Variants in GRM6 observed in about 807,000 individuals in gnomAD.
GRM6 encodes the protein glutamate metabotropic receptor 6, also known as metabotropic glutamate receptor 6.
Under a neutral mutation model 78.4 loss-of-function variants are expected in GRM6, and 73 were observed. That is an observed-to-expected ratio of 0.93 (90% CI 0.77 to 1.13). The LOEUF (loss-of-function observed/expected upper bound fraction) is 1.13, where lower values mean the gene tolerates loss of function less well. Ranked by LOEUF, GRM6 falls within the 50% of genes most tolerant of loss-of-function variation. The pLI, the probability that GRM6 is intolerant of heterozygous loss-of-function variation, is 0.00. For missense variants in GRM6, 1,251 were observed against 1,256.4 expected, an observed-to-expected ratio of 1.00 and a Z score of 0.07; for synonymous variants, 580 against 555.0, an observed-to-expected ratio of 1.05 and a Z score of -0.63.
At chr5:178,993,825 C>G (rs144743951) in intron 2 of GRM6, among the ~76,000 whole-genome samples, 4 of 152,182 alleles carry the variant, frequency 2.6e-5, no homozygotes, top group Non-Finnish European at 5.9e-5. Context: ...CGGGCACCTG[C>G]GCAGGGCAGG....
In GRM6 at chr5:178,991,659, C is replaced by T; in HGVS notation, c.722-100G>A. The T allele has an allele frequency of 7.0e-7, 1 of 1,421,792 alleles. No individual in the cohort carries two copies. Among genetic ancestry groups the T allele is most frequent in the Non-Finnish European group, 9.9e-7 (1 of 1,013,942 alleles). The allele number at this position is 1,421,792 out of a possible 1,614,324, so 88.1% of individuals were successfully genotyped here. A position where few individuals can be genotyped will look rare whatever the true frequency, so the allele number is the denominator to read the frequency against. ...CTGTGTAGGCTGGCTGAAGGGTCTG[C>T]AGGGGTGAAGTCTGGCCTGCACCCT... On this transcript the variant is annotated intron_variant, in intron 3 of 10. Transcript: ENST00000517717. The surrounding 1 kb of genome is among the most constrained non-coding windows in gnomAD (Gnocchi z 5.0).
rs151103990 is a variant in GRM6, at chr5:178,983,176, C to T, written c.2170G>A (p.Val724Met). ...GTCCGCTGTTCCTCATAGTCAATCA[C>T]GCTGTGTGGGGGCCGGGCCCCCAGC... ...AWLGARPPHS[V>M]IDYEEQRTVD... is the part of the protein sequence containing the mutation. The change falls in exon 10 of 11, where the codon GTG (valine) becomes ATG (methionine). Residue 724 changes from valine to methionine, a missense_variant. Transcript: ENST00000517717. 953 of 1,613,596 alleles carry T rather than the reference C, an allele frequency of 5.9e-4. 6 individuals carry two copies. Among genetic ancestry groups the T allele is most frequent in the Admixed American group, 2.8e-4 (17 of 60,004 alleles).
intron 9 of GRM6, chr5:178,985,267 T>C (rs1430729785): frequency 2.2e-6 from 1 of 456,606 alleles, no homozygotes; most frequent in Non-Finnish European, 4.4e-6. Flanking sequence ...ATAACTTCAC[T>C]GTTGTACAGA....
chr5:178,984,961 ACATCCAGGG>A lies in GRM6; in HGVS notation c.2124+1160_2124+1168del, dbSNP rs1421455851. ...GTCTCTCGTACTCTTCACACAGAAAACATCCAGGGCGCCCCAGACTCCAAGAGTTGTCTC... is the reference window on the plus strand; with the variant it reads ...GTCTCTCGTACTCTTCACACAGAAAACGCCCCAGACTCCAAGAGTTGTCTC... On this transcript the variant is annotated intron_variant, in intron 9 of 10. Transcript: ENST00000517717. Among the ~76,000 whole-genome samples, 4 of 152,156 alleles carry A rather than the reference ACATCCAGGG, an allele frequency of 2.6e-5. No homozygotes were observed. In the East Asian group the frequency reaches 7.8e-4, roughly 29 times the overall value.
At position 178,986,579 on chromosome 5, in the gene GRM6, G is replaced by A. The variant is rs748408579; in HGVS notation, c.1675C>T (p.Pro559Ser). ...QVDEFTCEAC[P>S]GDMRPTPNHT... ...TTGGGCGTGGGCCTCATGTCCCCAGGACAGGCCTCGCATGTGAACTCGTCC... is the reference window on the plus strand; with the variant it reads ...TTGGGCGTGGGCCTCATGTCCCCAGAACAGGCCTCGCATGTGAACTCGTCC... Residue 559 changes from proline (P) to serine (S), a missense_variant, in exon 9 of 11, where the codon CCT (proline) becomes TCT (serine). Transcript: ENST00000517717. 1.2e-6 allele frequency: 2 copies of A among 1,606,974 alleles called. No homozygotes were observed. Among genetic ancestry groups the A allele is most frequent in the Non-Finnish European group, 1.7e-6 (2 of 1,179,858 alleles).
rs111944266 is a variant in GRM6 at position 178,980,030 on chromosome 5, GAGA to G, written c.*1624_*1626del. ...AAGCCCTAGGAACACAACAAATGTG[GAGA>G]AGGAGAGTCAGTAGCGCAACAGAAA... On this transcript the variant is annotated 3_prime_UTR_variant, in exon 11 of 11. Transcript: ENST00000517717. The surrounding 1 kb of genome is among the most constrained non-coding windows in gnomAD (Gnocchi z 4.3). The G allele has an allele frequency of 9.7e-3, 1,502 of 154,478 alleles. 20 individuals carry two copies. Among genetic ancestry groups the G allele is most frequent in the African/African-American group, 0.034 (1,436 of 41,636 alleles). 9.6% of individuals were successfully genotyped at this position (154,478 alleles called of 1,614,324 possible).
At chr5:178,994,065 C>T (rs1186521401) in intron 2 of GRM6, among the ~76,000 whole-genome samples, 1 of 152,216 alleles carries the variant, frequency 6.6e-6, no homozygotes, top group East Asian at 1.9e-4. Context: ...CACTCGAGCG[C>T]TCCGCAGGCC....
At chr5:178,993,189 T>A (rs1760712417) in intron 2 of GRM6, among the ~76,000 whole-genome samples, 1 of 152,194 alleles carries the variant, frequency 6.6e-6, no homozygotes, top group Non-Finnish European at 1.5e-5. Context: ...ATGTTTGCAT[T>A]TCTAGCCGGG....
intron 2 of GRM6, among the ~76,000 whole-genome samples, chr5:178,994,204 C>G (rs549415287): frequency 2.0e-5 from 3 of 152,230 alleles, no homozygotes; most frequent in African/African-American, 7.2e-5. Context: ...TAGGTGGCAC[C>G]CGCCCGGGAA....
At chr5:178,985,298 C>T (rs1351886831) in intron 9 of GRM6, 4 of 456,070 alleles carry the variant, frequency 8.8e-6, no homozygotes, top group East Asian at 7.0e-5. Context: ...GAGGCCCACA[C>T]TCCCCACCTG....
chr5:178,988,580 G>A lies in GRM6; in HGVS notation c.1354+355C>T, dbSNP rs574079048. On this transcript the variant is annotated intron_variant, in intron 7 of 10. Coordinates refer to ENST00000517717, the MANE Select transcript of GRM6 (RefSeq NM_000843.4). The surrounding 1 kb of genome is among the most constrained non-coding windows in gnomAD (Gnocchi z 6.0). ...GCATGTCCCTGGGTAGGCGCCCCAC[G>A]CAGTCTTAACTGTGCCCCACGTGCA... Among the ~76,000 whole-genome samples, 71 of 152,270 alleles carry A rather than the reference G, an allele frequency of 4.7e-4. No individual in the cohort carries two copies. The highest frequency in any genetic ancestry group is 1.1e-3 in the African/African-American group (45 of 41,562).
intron 2 of GRM6, among the ~76,000 whole-genome samples, 191 bp downstream of exon 2, chr5:178,994,250 C>A (rs1760732440): frequency 6.6e-6 from 1 of 152,234 alleles, no homozygotes; most frequent in Non-Finnish European, 1.5e-5. Flanking sequence ...ACATGGGCGG[C>A]TGGAGTGTTT....
intron 5 of GRM6, chr5:178,989,955 G>A (rs1051115489): frequency 7.3e-5 from 15 of 205,388 alleles, no homozygotes; most frequent in South Asian, 4.7e-4. Flanking sequence ...TGCCTTTATC[G>A]CTAAAACTAC....
chr5:178,994,488 C>A lies in GRM6; in HGVS notation c.457G>T (p.Ala153Ser). ...ERVVAVVGAS[A>S]SSVSIMVANV... ...GCGACCATGATGGAGACGGAGCTGGCCGAGGCGCCCACGACGGCCACGACG... is the reference window on the plus strand; with the variant it reads ...GCGACCATGATGGAGACGGAGCTGGACGAGGCGCCCACGACGGCCACGACG... The change falls in exon 2 of 11, where the codon GCC becomes TCC. Residue 153 changes from alanine (A) to serine (S), a missense_variant. By Grantham distance (99) the Ala-to-Ser change is moderately conservative. Coordinates refer to ENST00000517717, the MANE Select transcript of GRM6 (RefSeq NM_000843.4). 6.9e-7 allele frequency: 1 copy of A among 1,458,222 alleles called. No individual in the cohort carries two copies. The highest frequency in any genetic ancestry group is 1.5e-5 in the African/African-American group (1 of 68,070). The allele number at this position is 1,458,222 out of a possible 1,614,324, so 90.3% of individuals were successfully genotyped here. A position where few individuals can be genotyped will look rare whatever the true frequency, so the allele number is the denominator to read the frequency against.
intron 9 of GRM6, among the ~76,000 whole-genome samples, chr5:178,984,591 T>A (rs531231126): frequency 6.6e-6 from 1 of 152,040 alleles, no homozygotes; most frequent in Non-Finnish European, 1.5e-5. Flanking sequence ...CAACGGGGTC[T>A]AAGCATCTCC....
Position 178,994,684 on chromosome 5 carries a change from G to T in GRM6, c.261C>A (p.Pro87=). 1 of 1,470,046 alleles carries T rather than the reference G, an allele frequency of 6.8e-7. No individual in the cohort carries two copies. The highest frequency in any genetic ancestry group is 1.3e-5 in the South Asian group (1 of 78,690). The allele number at this position is 1,470,046 out of a possible 1,614,324, so 91.1% of individuals were successfully genotyped here. A position where few individuals can be genotyped will look rare whatever the true frequency, so the allele number is the denominator to read the frequency against. ...DRVNADPELL[P]GVRLGARLLD... ...GCAGCCGCGCGCCCAGGCGCACGCC[G>T]GGCAGCAGCTCGGGGTCGGCGTTGA... is the stretch of plus-strand genomic sequence containing the variant. Residue 87 remains proline, a synonymous_variant, in exon 2 of 11, where the codon CCC becomes CCA. Transcript: ENST00000517717.
At chr5:178,985,701 T>TCAAAA (rs1554113566) in intron 9 of GRM6, 10 of 349,332 alleles carry the variant, frequency 2.9e-5, no homozygotes, top group Non-Finnish European at 3.8e-5. Context: ...AGACTCTGTC[T>TCAAAA]AAAAAAAAAA....
Position 178,988,974 on chromosome 5 carries a change from G to A in GRM6, c.1315C>T (p.Arg439Trp), listed in dbSNP as rs147576667. ...GCTCGAATGTACTGCAGAAGCATCC[G>A]CCCATCAGTGGGTTCCATCGCCGGG... The part of the protein sequence containing the change: ...LCPAMEPTDG[R>W]MLLQYIRAVR... The change falls in exon 7 of 11, where the codon CGG becomes TGG. Residue 439 changes from arginine to tryptophan, a missense_variant. Transcript: ENST00000517717. The surrounding 1 kb of genome is among the most constrained non-coding windows in gnomAD (Gnocchi z 6.0). 3.8e-5 allele frequency: 62 copies of A among 1,613,738 alleles called. No individual in the cohort carries two copies. The African/African-American group carries it at 4.0e-4, about 10-fold the overall frequency.
chr5:178,989,392 G>GTAC lies in GRM6; in HGVS notation c.1023_1025dup (p.Gln341_Tyr342insTer). 1 of 1,614,120 alleles carries GTAC rather than the reference G, an allele frequency of 6.2e-7. No homozygotes were observed. The highest frequency in any genetic ancestry group is 1.1e-5 in the South Asian group (1 of 91,082). ...TGTTCTCCAGGGATCGAGTCATGAA[G>GTAC]TACTGGTCAAATCCTACAGACAGGG... On this transcript the variant is annotated stop_gained, in exon 6 of 11. Coordinates refer to ENST00000517717, the MANE Select transcript of GRM6 (RefSeq NM_000843.4). LOFTEE classifies it high-confidence loss of function.
Sources: gnomAD v4.1 joint callset for allele counts (sites outside exome capture counted in the v4.1 genomes callset) on GRCh38, gnomAD v4.1.1 for gene constraint, Gnocchi (gnomAD v3.1) non-coding constraint, MANE v1.5 for transcripts, NCBI Gene and HGNC (gene_info 2026-07-23, HGNC 2026-07-21) for gene names.